The following RCOR1 variants were observed in gnomAD, a reference collection of about 807,000 sequenced individuals.
The protein encoded by RCOR1 is REST corepressor.
A neutral mutation model predicts 64.0 loss-of-function variants in RCOR1; 12 were observed. That is an observed-to-expected ratio of 0.19 (90% CI 0.12 to 0.30). The LOEUF is 0.30. Among genes scored for constraint, RCOR1 ranks in the 10% least tolerant of loss-of-function variants. The pLI is 1.00. For missense variants in RCOR1, 502 were observed against 621.2 expected (o/e 0.81, Z 2.04); for synonymous variants, 279 against 227.2 (o/e 1.23, Z -2.05).
intron 2 of RCOR1, among the ~76,000 whole-genome samples, chr14:102,620,753 G>C (rs1049361353): frequency 6.6e-6 from 1 of 152,190 alleles, no homozygotes; most frequent in East Asian, 1.9e-4. Context: ...CTGTTCCTCT[G>C]TGGCTTACAA....
At chr14:102,705,498 G>A (rs140023341) in intron 4 of RCOR1, among the ~76,000 whole-genome samples, 10 of 152,326 alleles carry the variant, frequency 6.6e-5, no homozygotes, top group African/African-American at 2.4e-4. Flanking sequence ...ATGCTGGAGT[G>A]CAGTGGTGTG....
At chr14:102,691,839 G>A (rs1379092771) in intron 3 of RCOR1, among the ~76,000 whole-genome samples, 1 of 152,156 alleles carries the variant, frequency 6.6e-6, no homozygotes, top group African/African-American at 2.4e-5. Flanking sequence ...TGTTGACAGT[G>A]GACATCCATT....
chr14:102,594,743 T>C (rs1022446638), intron 2 of RCOR1, among the ~76,000 whole-genome samples: 3 of 152,222 alleles, frequency 2.0e-5, no homozygotes, highest in African/African-American at 7.2e-5. Context: ...TCTTGTATGC[T>C]TGGCTCCTCC....
intron 2 of RCOR1, among the ~76,000 whole-genome samples, chr14:102,648,979 G>A (rs529907476): frequency 5.9e-5 from 9 of 151,996 alleles, no homozygotes; most frequent in African/African-American, 2.2e-4. Flanking sequence ...CCAATAGATA[G>A]CCTGATGTGT....
intron 2 of RCOR1, among the ~76,000 whole-genome samples, chr14:102,672,301 C>A (rs1015946507): frequency 2.0e-5 from 3 of 152,070 alleles, no homozygotes; most frequent in African/African-American, 7.2e-5. Flanking sequence ...CAAGCTCCAC[C>A]TCCTGTTACG....
chr14:102,638,809 C>T (rs918550420), intron 2 of RCOR1, among the ~76,000 whole-genome samples: 12 of 151,994 alleles, frequency 7.9e-5, no homozygotes, highest in Admixed American at 3.3e-4. Context: ...ATTACAGGTG[C>T]GAACCACCAC....
At chr14:102,643,686 T>C (rs1894419323) in intron 2 of RCOR1, among the ~76,000 whole-genome samples, 1 of 152,138 alleles carries the variant, frequency 6.6e-6, no homozygotes, top group East Asian at 1.9e-4. Context: ...AATTAGACTT[T>C]CCCTAGCCTA....
At chr14:102,701,737 T>G (rs1428355636) in intron 4 of RCOR1, among the ~76,000 whole-genome samples, 3 of 152,250 alleles carry the variant, frequency 2.0e-5, no homozygotes, top group Admixed American at 6.5e-5. Context: ...ATTTTCAGTT[T>G]GAGATGGAGT....
intron 3 of RCOR1, among the ~76,000 whole-genome samples, chr14:102,687,153 G>T (rs761800121): frequency 2.0e-5 from 3 of 152,164 alleles, no homozygotes; most frequent in Non-Finnish European, 2.9e-5. Context: ...AATGTACCAG[G>T]AGTGAAAGGT....
chr14:102,592,927 A>G lies in RCOR1; in HGVS notation c.41A>G (p.Lys14Arg). 8.1e-7 allele frequency: 1 copy of G among 1,239,272 alleles called. No individual in the cohort carries two copies. The highest frequency in any genetic ancestry group is 1.0e-6 in the Non-Finnish European group (1 of 983,308). 76.8% of individuals were successfully genotyped at this position (1,239,272 alleles called of 1,614,324 possible). The change falls in exon 1 of 12, where the codon AAG (lysine) becomes AGG (arginine). Residue 14 changes from lysine to arginine, a missense_variant. Lys to Arg is a conservative substitution (Grantham distance 26). Transcript: ENST00000262241. Reference sequence around the variant, plus strand: ...GAGAAGGGCCCCGAGGTCTCAGGGAAGCGGAGAGGGAGGAACAACGCGGCC... The same window carrying G: ...GAGAAGGGCCCCGAGGTCTCAGGGAGGCGGAGAGGGAGGAACAACGCGGCC... ...MVEKGPEVSG[K>R]RRGRNNAAAS... is the part of the protein sequence containing the mutation.
chr14:102,631,021 AACATT>A (rs1894100340), intron 2 of RCOR1, among the ~76,000 whole-genome samples: 1 of 152,194 alleles, frequency 6.6e-6, no homozygotes, highest in South Asian at 2.1e-4. Context: ...GTTCAGGGCA[AACATT>A]CCCAGAGGAA....
intron 2 of RCOR1, among the ~76,000 whole-genome samples, chr14:102,604,286 C>G (rs1351991358): frequency 2.0e-5 from 3 of 152,102 alleles, no homozygotes; most frequent in Non-Finnish European, 4.4e-5. Context: ...CAGCTTTGAT[C>G]CTATAATGGT....
intron 7 of RCOR1, among the ~76,000 whole-genome samples, chr14:102,711,369 C>T (rs776331902): frequency 2.0e-5 from 3 of 152,214 alleles, no homozygotes; most frequent in Non-Finnish European, 4.4e-5. Context: ...GATGCCCCAG[C>T]GTCTGCCCAT....
intron 2 of RCOR1, among the ~76,000 whole-genome samples, chr14:102,602,196 T>C (rs991319748): frequency 1.3e-5 from 2 of 151,972 alleles, no homozygotes; most frequent in South Asian, 2.1e-4. Context: ...TTTCTTGTTA[T>C]TGTTAGTGTT....
chr14:102,701,726 C>T (rs1271282837), intron 4 of RCOR1, among the ~76,000 whole-genome samples: 1 of 152,142 alleles, frequency 6.6e-6, no homozygotes, highest in Non-Finnish European at 1.5e-5. Flanking sequence ...CATTTTGAAT[C>T]ATTTTCAGTT....
At chr14:102,681,339 T>A (rs1434299068) in intron 2 of RCOR1, among the ~76,000 whole-genome samples, 1 of 152,204 alleles carries the variant, frequency 6.6e-6, no homozygotes, top group East Asian at 1.9e-4. Context: ...TTGTAATAGA[T>A]GACAGCCGCT....
At chr14:102,676,733 A>AC (rs1336016586) in intron 2 of RCOR1, among the ~76,000 whole-genome samples, 1,779 of 50,674 alleles carry the variant, frequency 0.035, 47 homozygotes, top group Middle Eastern at 0.071. Flanking sequence ...CGGGGGGCTG[A>AC]CCCCCCCCAC....
At chr14:102,665,387 C>T (rs1220495790) in intron 2 of RCOR1, among the ~76,000 whole-genome samples, 3 of 146,790 alleles carry the variant, frequency 2.0e-5, no homozygotes, top group Non-Finnish European at 4.5e-5. Context: ...TGTAAGTGTT[C>T]TGAGCATGTT....
chr14:102,626,374 G>A (rs1893982554), intron 2 of RCOR1, among the ~76,000 whole-genome samples: 1 of 152,202 alleles, frequency 6.6e-6, no homozygotes, highest in African/African-American at 2.4e-5. Flanking sequence ...AGGAAAGGAG[G>A]GAAAGCAAAT....
Sources: gnomAD v4.1 joint callset for allele counts (sites outside exome capture counted in the v4.1 genomes callset) on GRCh38, gnomAD v4.1.1 for gene constraint, MANE v1.5 for transcripts, NCBI Gene and HGNC (gene_info 2026-07-23, HGNC 2026-07-21) for gene names.